Variants in NRG3 observed in about 807,000 individuals in gnomAD.
The protein encoded by NRG3 is pro-neuregulin-3, membrane-bound isoform.
A neutral mutation model predicts 66.9 loss-of-function variants in NRG3; 31 were observed. That is an observed-to-expected ratio of 0.46 (90% CI 0.35 to 0.63). NRG3 has a LOEUF of 0.63. Among genes scored for constraint, NRG3 ranks in the 20% least tolerant of loss-of-function variants. NRG3 has a pLI of 0.00. For missense variants in NRG3, 910 were observed against 878.9 expected (o/e 1.04, Z -0.45); for synonymous variants, 393 against 359.4 (o/e 1.09, Z -1.06).
chr10:81,980,530 A>G (rs1026971212), intron 1 of NRG3, among the ~76,000 whole-genome samples: 3 of 152,348 alleles, frequency 2.0e-5, no homozygotes, highest in East Asian at 1.9e-4. Flanking sequence ...TGAAAAAGAA[A>G]GTAATCTTTA....
chr10:81,960,732 G>A (rs1007256653), intron 1 of NRG3, among the ~76,000 whole-genome samples: 5 of 151,470 alleles, frequency 3.3e-5, no homozygotes, highest in Middle Eastern at 6.8e-3. Context: ...TTGCTGGATC[G>A]CCTCCCTGTT....
intron 1 of NRG3, among the ~76,000 whole-genome samples, chr10:82,203,481 C>T (rs1230960307): frequency 1.3e-5 from 2 of 152,138 alleles, no homozygotes; most frequent in African/African-American, 4.8e-5. Flanking sequence ...GGTCAGTTCA[C>T]TGTCTTTTAA....
Position 82,841,842 on chromosome 10 carries a change from A to G in NRG3, c.1028-23569A>G, listed in dbSNP as rs142054700. Reference sequence around the variant, plus strand: ...ATCACATATGAAAAAGTAAATCAACATTTTTGCTACTTGACCCAACAAAAG... The same window carrying G: ...ATCACATATGAAAAAGTAAATCAACGTTTTTGCTACTTGACCCAACAAAAG... On this transcript the variant is annotated intron_variant, in intron 3 of 8. Transcript: ENST00000372141. 2.6e-5 allele frequency among the ~76,000 whole-genome samples: 4 copies of G among 152,272 alleles called. No homozygotes were observed. In the East Asian group the frequency reaches 7.7e-4, roughly 29 times the overall value.
intron 2 of NRG3, among the ~76,000 whole-genome samples, chr10:82,549,612 A>C (rs1565057843): frequency 6.6e-6 from 1 of 152,182 alleles, no homozygotes; most frequent in African/African-American, 2.4e-5. Context: ...ACTATCTGTT[A>C]CAAAGCTGAT....
chr10:81,967,125 A>C (rs1349921607), intron 1 of NRG3, among the ~76,000 whole-genome samples: 6 of 151,862 alleles, frequency 4.0e-5, no homozygotes, highest in Non-Finnish European at 5.9e-5. Context: ...ATAGGTCCCT[A>C]ATATTCATTA....
At chr10:82,346,275 G>A (rs960636601) in intron 1 of NRG3, among the ~76,000 whole-genome samples, 1 of 150,262 alleles carries the variant, frequency 6.7e-6, no homozygotes, top group Non-Finnish European at 1.5e-5. Flanking sequence ...TTAGCATGAA[G>A]GGTTGTTGAA....
chr10:82,538,979 T>C (rs933122850), intron 2 of NRG3, among the ~76,000 whole-genome samples: 6 of 152,206 alleles, frequency 3.9e-5, no homozygotes, highest in Non-Finnish European at 5.9e-5. Context: ...TAGATCTTCA[T>C]TGCTCAGGTC....
chr10:82,912,583 A>G (rs940334966), intron 4 of NRG3, among the ~76,000 whole-genome samples: 1 of 152,138 alleles, frequency 6.6e-6, no homozygotes, highest in Non-Finnish European at 1.5e-5. Flanking sequence ...ATATACTTTC[A>G]TCTTGTTTTT....
chr10:82,777,245 G>A lies in NRG3; in HGVS notation c.1027+38595G>A, dbSNP rs1007056213. Among the ~76,000 whole-genome samples the A allele has an allele frequency of 6.6e-5, 10 of 152,178 alleles. No homozygotes were observed. In the East Asian group the frequency reaches 9.7e-4, roughly 15 times the overall value. ...CTACACTGTAGGAGTTTGTGGCAGC[G>A]TAGTGGCAGGGTAAGTTGTATGGTT... On this transcript the variant is annotated intron_variant, in intron 3 of 8. Coordinates refer to ENST00000372141, the MANE Select transcript of NRG3 (RefSeq NM_001010848.4).
At chr10:82,835,872 T>C (rs77026973) in intron 3 of NRG3, among the ~76,000 whole-genome samples, 1,583 of 152,268 alleles carry the variant, frequency 0.01, 34 homozygotes, top group African/African-American at 0.037. Flanking sequence ...AATTCAGTCC[T>C]GTACACTCAG....
intron 1 of NRG3, chr10:81,877,961 A>G: frequency 6.5e-7 from 1 of 1,537,710 alleles, no homozygotes; most frequent in Non-Finnish European, 8.7e-7. Context: ...TGATAGAATA[A>G]TGGAGTGTGG....
chr10:82,024,141 G>C (rs1473676783), intron 1 of NRG3, among the ~76,000 whole-genome samples: 4 of 151,706 alleles, frequency 2.6e-5, no homozygotes, highest in Non-Finnish European at 4.4e-5. Flanking sequence ...GTTGGCTTAT[G>C]GTTGTTCAGA....
At chr10:82,791,637 G>A (rs545850546) in intron 3 of NRG3, among the ~76,000 whole-genome samples, 11 of 152,224 alleles carry the variant, frequency 7.2e-5, no homozygotes, top group Admixed American at 3.9e-4. Context: ...CTGTTCATGC[G>A]TATAACATTG....
chr10:82,960,953 C>T (rs1409181441), intron 6 of NRG3, among the ~76,000 whole-genome samples: 4 of 152,178 alleles, frequency 2.6e-5, no homozygotes, highest in Non-Finnish European at 4.4e-5. Context: ...AATAAACAGC[C>T]TTGTTGCTCA....
At position 82,486,622 on chromosome 10, in the gene NRG3, G is replaced by A. The variant is rs547890687; in HGVS notation, c.953+127754G>A. ...TAGAGAAGGGTTTCACCATGTTGGC[G>A]AGGCTGGTCTCGAACTCCTGACCTC... On this transcript the variant is annotated intron_variant, in intron 2 of 8. Transcript: ENST00000372141. Among the ~76,000 whole-genome samples the A allele has an allele frequency of 3.9e-5, 6 of 152,026 alleles. No homozygotes were observed. In the East Asian group the frequency reaches 7.8e-4, roughly 20 times the overall value.
At chr10:82,768,133 A>G (rs372496856) in intron 3 of NRG3, among the ~76,000 whole-genome samples, 13 of 152,278 alleles carry the variant, frequency 8.5e-5, no homozygotes, top group East Asian at 7.7e-4. Context: ...GTTGCAAGTC[A>G]AGAGTAGGAG....
intron 2 of NRG3, among the ~76,000 whole-genome samples, chr10:82,557,210 G>T (rs773675997): frequency 6.6e-6 from 1 of 152,136 alleles, no homozygotes; most frequent in African/African-American, 2.4e-5. Context: ...TTGAGGAATT[G>T]CCATACTGCT....
At chr10:82,694,812 T>A (rs2055241273) in intron 2 of NRG3, among the ~76,000 whole-genome samples, 1 of 152,174 alleles carries the variant, frequency 6.6e-6, no homozygotes, top group Non-Finnish European at 1.5e-5. Context: ...TTTATAAATT[T>A]ATTCAAATTA....
chr10:81,993,627 A>G (rs1444169020), intron 1 of NRG3, among the ~76,000 whole-genome samples: 3 of 152,154 alleles, frequency 2.0e-5, no homozygotes, highest in East Asian at 1.9e-4. Context: ...AATTACAGGC[A>G]TAAACCATGC....
Sources: gnomAD v4.1 joint callset for allele counts (sites outside exome capture counted in the v4.1 genomes callset) on GRCh38, gnomAD v4.1.1 for gene constraint, MANE v1.5 for transcripts, NCBI Gene and HGNC (gene_info 2026-07-23, HGNC 2026-07-21) for gene names.